MEGF8: variants seen among roughly 807,000 people sequenced by gnomAD.
MEGF8 encodes the protein multiple epidermal growth factor-like domains protein 8.
A neutral mutation model predicts 302.9 loss-of-function variants in MEGF8; 156 were observed. The ratio of observed to expected loss-of-function variants is 0.52; its 90% confidence interval spans 0.45 to 0.59. The LOEUF (loss-of-function observed/expected upper bound fraction) is 0.59. MEGF8 is among the 20% of genes least tolerant of loss of function. The probability of loss-of-function intolerance (pLI) is 0.00; values close to 1 mark genes in which losing one functional copy is unlikely to be tolerated. For synonymous variants in MEGF8, 1,621 were observed against 1,660.5 expected (o/e 0.98, Z 0.58); for missense variants, 3,345 against 3,964.5 (o/e 0.84, Z 4.20).
chr19:42,376,683 G>A lies in MEGF8; in HGVS notation c.8446G>A (p.Gly2816Ser). ...GCACAGGCTGCACGAGTACTGTGGG[G>A]GTGGTGGGGGTGCTGGGGGCAGTGG... ...LRHRLHEYCG[G>S]GGGAGGSGHG... Residue 2816 changes from glycine to serine, a missense_variant, in exon 42 of 42, where the codon GGT becomes AGT. By Grantham distance (56) the Gly-to-Ser change is moderately conservative. Coordinates refer to ENST00000251268, the MANE Select transcript of MEGF8 (RefSeq NM_001271938.2). The surrounding 1 kb of genome is among the most constrained non-coding windows in gnomAD (Gnocchi z 8.2). 2 of 1,518,222 alleles carry A rather than the reference G, an allele frequency of 1.3e-6. No homozygotes were observed. The highest frequency in any genetic ancestry group is 1.8e-6 in the Non-Finnish European group (2 of 1,133,008). 94.0% of individuals were successfully genotyped at this position (1,518,222 alleles called of 1,614,324 possible). A position where few individuals can be genotyped will look rare whatever the true frequency, so the allele number is the denominator to read the frequency against.
chr19:42,364,727 A>C (rs1288461745), intron 35 of MEGF8, among the ~76,000 whole-genome samples: 1 of 152,180 alleles, frequency 6.6e-6, no homozygotes, highest in African/African-American at 2.4e-5. Flanking sequence ...TTTGACTCCA[A>C]CTTGGCCACT....
chr19:42,341,874 G>T (rs928886377), intron 8 of MEGF8, among the ~76,000 whole-genome samples: 1 of 152,290 alleles, frequency 6.6e-6, no homozygotes, highest in South Asian at 2.1e-4. Context: ...AAAGCCACAG[G>T]CCCTCTCTTC....
At chr19:42,337,830 G>T (rs553489941) in intron 8 of MEGF8, among the ~76,000 whole-genome samples, 1 of 151,428 alleles carries the variant, frequency 6.6e-6, no homozygotes, top group Non-Finnish European at 1.5e-5. Context: ...TTGAGAGGGA[G>T]TCTCGCTCCG....
Position 42,344,728 on chromosome 19 carries a change from G to T in MEGF8, c.1992G>T (p.Ala664=). Residue 664 remains alanine, a synonymous_variant, in exon 12 of 42, where the codon GCG becomes GCT. Transcript: ENST00000251268. The surrounding 1 kb of genome is among the most constrained non-coding windows in gnomAD (Gnocchi z 4.5). ...ISGTVGWWGP[A]PVFVTSLEAC... is the part of the protein sequence containing the mutation. The stretch of plus-strand genomic sequence containing the variant: ...GCACTGTGGGCTGGTGGGGGCCTGC[G>T]CCTGTCTTCGTCACGTCCCTGGAGG... 1 of 1,611,192 alleles carries T rather than the reference G, an allele frequency of 6.2e-7. No homozygotes were observed. The highest frequency in any genetic ancestry group is 8.5e-7 in the Non-Finnish European group (1 of 1,178,452).
Position 42,336,546 on chromosome 19 carries a change from C to T in MEGF8, c.1244+200C>T, listed in dbSNP as rs568609096. Among the ~76,000 whole-genome samples the T allele has an allele frequency of 1.3e-5, 2 of 152,356 alleles. No homozygotes were observed. Among genetic ancestry groups the T allele is most frequent in the African/African-American group, 4.8e-5 (2 of 41,578 alleles). On this transcript the variant is annotated intron_variant, in intron 6 of 41. Transcript: ENST00000251268. This position sits in a 1 kb window ranked among gnomAD's most constrained non-coding sequence, Gnocchi z 4.8. ...CACATTCTCTGATGTTTTATTCAAT[C>T]TCTTGGTGAATTGCCTTCCACACAC... is the stretch of plus-strand genomic sequence containing the variant.
At chr19:42,330,143 A>G (rs901739400) in intron 1 of MEGF8, among the ~76,000 whole-genome samples, 1 of 152,016 alleles carries the variant, frequency 6.6e-6, no homozygotes, top group African/African-American at 2.4e-5. Context: ...GTGTTTCTCT[A>G]TGTTGGCCAG....
chr19:42,370,334 A>G lies in MEGF8; in HGVS notation c.6980A>G (p.Lys2327Arg). 2 of 1,594,348 alleles carry G rather than the reference A, an allele frequency of 1.3e-6. No individual in the cohort carries two copies. Among genetic ancestry groups the G allele is most frequent in the African/African-American group, 1.3e-5 (1 of 74,734 alleles). ...KELQMSKGEP[K>R]KYSLDPEEIE... The stretch of plus-strand genomic sequence containing the variant: ...TTACAAATGTCCAAGGGAGAGCCAA[A>G]GAAGTACTCACTGGACCCAGAGGAG... The change falls in exon 39 of 42, where the codon AAG (lysine) becomes AGG (arginine). Residue 2327 changes from lysine (K) to arginine (R), a missense_variant. Physicochemically the swap from Lys to Arg is conservative, Grantham distance 26. Coordinates refer to ENST00000251268, the MANE Select transcript of MEGF8 (RefSeq NM_001271938.2).
chr19:42,373,549 T>C (rs998196348), intron 41 of MEGF8, among the ~76,000 whole-genome samples: 6 of 150,782 alleles, frequency 4.0e-5, no homozygotes, highest in Non-Finnish European at 7.4e-5. Flanking sequence ...TACAAGCATG[T>C]GCTATCATAC....
rs2039133660 is a variant in MEGF8, at chr19:42,336,770, C to G, written c.1245-37C>G. 11 of 1,543,064 alleles carry G rather than the reference C, an allele frequency of 7.1e-6. No individual in the cohort carries two copies. Among genetic ancestry groups the G allele is most frequent in the Non-Finnish European group, 8.7e-6 (10 of 1,146,776 alleles). The stretch of plus-strand genomic sequence containing the variant: ...GCCTGGAGGAGGGAGAGAGACGCTT[C>G]CTGCCCTGAGCCCCTGCCCTGCTTC... On this transcript the variant is annotated intron_variant, in intron 6 of 41. Transcript: ENST00000251268. The surrounding 1 kb of genome is among the most constrained non-coding windows in gnomAD (Gnocchi z 4.8).
At chr19:42,327,321 T>G (rs1420317057) in intron 1 of MEGF8, among the ~76,000 whole-genome samples, 1 of 152,220 alleles carries the variant, frequency 6.6e-6, no homozygotes, top group African/African-American at 2.4e-5. Context: ...ACTTAGGTCT[T>G]GGAGTCTAGT....
At position 42,343,487 on chromosome 19, in the gene MEGF8, G is replaced by A. The variant is rs748837091; in HGVS notation, c.1524G>A (p.Ala508=). Residue 508 remains alanine, a synonymous_variant, in exon 9 of 42, where the codon GCG becomes GCA. Coordinates refer to ENST00000251268, the MANE Select transcript of MEGF8 (RefSeq NM_001271938.2). ...APPGTPEGRA[A]PPSGRYSHVA... ...TCTCTATTCCCCTAGGCCGAGCAGC[G>A]CCTCCCAGTGGTCGGTACTCACATG... 1.1e-5 allele frequency: 18 copies of A among 1,601,896 alleles called. No individual in the cohort carries two copies. Among genetic ancestry groups the A allele is most frequent in the African/African-American group, 4.0e-5 (3 of 74,670 alleles).
intron 41 of MEGF8, among the ~76,000 whole-genome samples, chr19:42,371,930 A>G (rs1600078031): frequency 6.6e-6 from 1 of 152,092 alleles, no homozygotes; most frequent in Non-Finnish European, 1.5e-5. Flanking sequence ...AAAAAAATTT[A>G]AAAATTAGCC....
rs1487476721 is a variant in MEGF8, at chr19:42,358,374, C to T, written c.5175+67C>T. 1 of 1,508,966 alleles carries T rather than the reference C, an allele frequency of 6.6e-7. No individual in the cohort carries two copies. The highest frequency in any genetic ancestry group is 8.8e-7 in the Non-Finnish European group (1 of 1,131,364). The allele number at this position is 1,508,966 out of a possible 1,614,324, so 93.5% of individuals were successfully genotyped here. On this transcript the variant is annotated intron_variant, in intron 29 of 41. Coordinates refer to ENST00000251268, the MANE Select transcript of MEGF8 (RefSeq NM_001271938.2). This position sits in a 1 kb window ranked among gnomAD's most constrained non-coding sequence, Gnocchi z 4.4. Reference sequence around the variant, plus strand: ...AGGGAGGGGTCCTCTTTCCCAGTGCCCCAGGGACTGGCTCCATCCCAGATT... The same window carrying T: ...AGGGAGGGGTCCTCTTTCCCAGTGCTCCAGGGACTGGCTCCATCCCAGATT...
At chr19:42,349,898 A>G (rs2039344138) in intron 14 of MEGF8, among the ~76,000 whole-genome samples, 199 bp downstream of exon 14, 1 of 151,772 alleles carries the variant, frequency 6.6e-6, no homozygotes, top group African/African-American at 2.4e-5. Flanking sequence ...ACCTGATCCC[A>G]TATTTTGACC....
At position 42,351,357 on chromosome 19, in the gene MEGF8, A is replaced by C. The variant is rs376719815; in HGVS notation, c.2855+23A>C. 17 of 1,567,928 alleles carry C rather than the reference A, an allele frequency of 1.1e-5. No individual in the cohort carries two copies. In the East Asian group the frequency reaches 2.4e-4, roughly 22 times the overall value. On this transcript the variant is annotated intron_variant, in intron 16 of 41. Transcript: ENST00000251268. The surrounding 1 kb of genome is among the most constrained non-coding windows in gnomAD (Gnocchi z 5.6). ...CCAGTGAGTCAGGCTGGGTGCAGGG[A>C]GTGGGTGGGTGGATGTGCCTGGGGA... is the stretch of plus-strand genomic sequence containing the variant.
At chr19:42,337,506 CT>C (rs908319656) in intron 8 of MEGF8, among the ~76,000 whole-genome samples, 379 of 135,816 alleles carry the variant, frequency 2.8e-3, no homozygotes, top group African/African-American at 8.1e-3. Context: ...CTTTTCTTTT[CT>C]TTTTTTTTTT....
chr19:42,332,393 G>A (rs1196778441), intron 1 of MEGF8, among the ~76,000 whole-genome samples: 1 of 151,784 alleles, frequency 6.6e-6, no homozygotes, highest in Non-Finnish European at 1.5e-5. Flanking sequence ...TTGAGACGAA[G>A]TCTCGCTCTT....
At chr19:42,329,402 C>A (rs1404000308) in intron 1 of MEGF8, among the ~76,000 whole-genome samples, 1 of 152,014 alleles carries the variant, frequency 6.6e-6, no homozygotes, top group Non-Finnish European at 1.5e-5. Flanking sequence ...ACAGTGCAAT[C>A]GATGTTTGTG....
At position 42,351,761 on chromosome 19, in the gene MEGF8, G is replaced by T. The variant is rs778832627; in HGVS notation, c.3101G>T (p.Arg1034Leu). ...CGNEDNPTLG[R>L]CLQGDFSGPL... ...AATGAGGACAACCCCACACTGGGAC[G>T]GTGAGCCCGGGCAGGTGGGTGGGCA... The change falls in exon 18 of 42, where the codon CGG (arginine) becomes CTG (leucine). Residue 1034 changes from arginine to leucine, a missense_variant and splice_region_variant. Arg to Leu is a moderately radical substitution (Grantham distance 102). Coordinates refer to ENST00000251268, the MANE Select transcript of MEGF8 (RefSeq NM_001271938.2). The surrounding 1 kb of genome is among the most constrained non-coding windows in gnomAD (Gnocchi z 5.6). 6.4e-7 allele frequency: 1 copy of T among 1,568,472 alleles called. No homozygotes were observed. The highest frequency in any genetic ancestry group is 8.6e-7 in the Non-Finnish European group (1 of 1,157,330).
Sources: gnomAD v4.1 joint callset for allele counts (sites outside exome capture counted in the v4.1 genomes callset) on GRCh38, gnomAD v4.1.1 for gene constraint, Gnocchi (gnomAD v3.1) non-coding constraint, MANE v1.5 for transcripts, NCBI Gene and HGNC (gene_info 2026-07-23, HGNC 2026-07-21) for gene names.